PKP4: variants seen among roughly 807,000 people sequenced by gnomAD.
The protein encoded by PKP4 is plakophilin-4.
In PKP4, 90 loss-of-function variants were observed where a neutral mutation model predicts 145.1. That is an observed-to-expected ratio of 0.62 (90% CI 0.52 to 0.74). PKP4 has a LOEUF of 0.74. Among genes scored for constraint, PKP4 ranks in the 30% least tolerant of loss-of-function variants. PKP4 has a pLI of 0.00. For synonymous variants in PKP4, 563 were observed against 577.2 expected (o/e 0.98, Z 0.35); for missense variants, 1,340 against 1,482.7 (o/e 0.90, Z 1.58).
intron 1 of PKP4, among the ~76,000 whole-genome samples, chr2:158,523,744 G>C (rs1039031638): frequency 8.6e-6 from 1 of 116,694 alleles, no homozygotes; most frequent in African/African-American, 3.8e-5. Context: ...AAAAAATTTA[G>C]AAGAATGTAT....
At chr2:158,676,683 T>C in intron 19 of PKP4, 56 bp from the exon 20 acceptor site, 1 of 1,605,852 alleles carries the variant, frequency 6.2e-7, no homozygotes. Flanking sequence ...CCACAGATAC[T>C]GATGCTGATT....
intron 3 of PKP4, among the ~76,000 whole-genome samples, chr2:158,600,696 A>T (rs997626262): frequency 1.3e-5 from 2 of 152,224 alleles, no homozygotes; most frequent in Admixed American, 1.3e-4. Context: ...TATGAATAAC[A>T]TGTAATGACC....
intron 4 of PKP4, among the ~76,000 whole-genome samples, chr2:158,618,538 G>A (rs1338779271): frequency 6.6e-6 from 1 of 152,110 alleles, no homozygotes; most frequent in Non-Finnish European, 1.5e-5. Context: ...ATTTCGTGAA[G>A]TTTTATTAGG....
At chr2:158,539,608 T>C (rs2044346273) in intron 2 of PKP4, among the ~76,000 whole-genome samples, 1 of 152,248 alleles carries the variant, frequency 6.6e-6, no homozygotes, top group South Asian at 2.1e-4. Flanking sequence ...TTCCAATTGG[T>C]AACTGAATTA....
chr2:158,599,753 T>G (rs2050070320), intron 3 of PKP4, among the ~76,000 whole-genome samples: 1 of 152,162 alleles, frequency 6.6e-6, no homozygotes, highest in Non-Finnish European at 1.5e-5. Context: ...AGAATCTGAA[T>G]CTGGGTTTCA....
intron 2 of PKP4, among the ~76,000 whole-genome samples, chr2:158,539,840 T>G (rs1010181112): frequency 6.6e-6 from 1 of 152,224 alleles, no homozygotes; most frequent in African/African-American, 2.4e-5. Context: ...AACTCTAAAA[T>G]GGCTCTCAGG....
At chr2:158,578,419 T>C (rs2048045526) in intron 3 of PKP4, among the ~76,000 whole-genome samples, 2 of 152,170 alleles carry the variant, frequency 1.3e-5, no homozygotes, top group South Asian at 4.1e-4. Flanking sequence ...GGAAGGTTTT[T>C]ATAGAAAGAG....
intron 1 of PKP4, among the ~76,000 whole-genome samples, chr2:158,512,645 A>C (rs1259321235): frequency 6.6e-6 from 1 of 152,196 alleles, no homozygotes; most frequent in Non-Finnish European, 1.5e-5. Flanking sequence ...CAACCTTTTG[A>C]TTTGTATAGG....
At chr2:158,504,346 A>G (rs1035997254) in intron 1 of PKP4, among the ~76,000 whole-genome samples, 5 of 152,220 alleles carry the variant, frequency 3.3e-5, no homozygotes, top group African/African-American at 4.8e-5. Context: ...GAACAAATGA[A>G]CAATTGTCCT....
chr2:158,615,982 A>G (rs1486184341), intron 4 of PKP4, among the ~76,000 whole-genome samples: 4 of 152,256 alleles, frequency 2.6e-5, no homozygotes, highest in Non-Finnish European at 5.9e-5. Context: ...TTCAAGAAAC[A>G]TGGTCTTTCT....
chr2:158,464,128 G>A (rs1344231546), intron 1 of PKP4, among the ~76,000 whole-genome samples: 2 of 152,148 alleles, frequency 1.3e-5, no homozygotes, highest in Non-Finnish European at 2.9e-5. Flanking sequence ...TGGTTAGAAG[G>A]GACTAGTCTT....
At chr2:158,634,922 A>G (rs2053679201) in intron 9 of PKP4, among the ~76,000 whole-genome samples, 1 of 152,204 alleles carries the variant, frequency 6.6e-6, no homozygotes, top group African/African-American at 2.4e-5. Flanking sequence ...GAGTCATTTA[A>G]TACTTGATTG....
chr2:158,631,330 TA>T (rs2053337761), intron 7 of PKP4, among the ~76,000 whole-genome samples: 1 of 152,148 alleles, frequency 6.6e-6, no homozygotes, highest in African/African-American at 2.4e-5. Context: ...TGTTTAGACT[TA>T]ACACTTGGTC....
At chr2:158,488,860 A>G (rs1016187283) in intron 1 of PKP4, among the ~76,000 whole-genome samples, 1 of 152,204 alleles carries the variant, frequency 6.6e-6, no homozygotes, top group African/African-American at 2.4e-5. Flanking sequence ...AATGAAGTCT[A>G]TGGGTGTTTA....
intron 21 of PKP4, among the ~76,000 whole-genome samples, chr2:158,679,762 G>T (rs1238183990): frequency 6.6e-6 from 1 of 152,188 alleles, no homozygotes; most frequent in African/African-American, 2.4e-5. Context: ...CCCTGGCTTG[G>T]GGAAGCCTTT....
chr2:158,596,900 A>G (rs1460583498), intron 3 of PKP4, among the ~76,000 whole-genome samples: 1 of 152,206 alleles, frequency 6.6e-6, no homozygotes, highest in African/African-American at 2.4e-5. Flanking sequence ...TTCATATTCC[A>G]TACCTGTCTC....
intron 1 of PKP4, among the ~76,000 whole-genome samples, chr2:158,472,119 A>C (rs186537139): frequency 1.7e-3 from 256 of 152,318 alleles, no homozygotes; most frequent in South Asian, 5.0e-3. Context: ...ATCGTTAATG[A>C]TAATATATTT....
chr2:158,603,310 G>A (rs548120076), intron 4 of PKP4, among the ~76,000 whole-genome samples: 410 of 152,168 alleles, frequency 2.7e-3, no homozygotes, highest in Admixed American at 4.6e-3. Context: ...TAATGAAAAA[G>A]CATTGAACAG....
intron 11 of PKP4, among the ~76,000 whole-genome samples, chr2:158,643,583 A>G (rs1374036660): frequency 1.3e-5 from 2 of 152,034 alleles, no homozygotes; most frequent in South Asian, 2.1e-4. Context: ...GTGGTGGCAC[A>G]TGCCTGTGGT....
Sources: gnomAD v4.1 joint callset for allele counts (sites outside exome capture counted in the v4.1 genomes callset) on GRCh38, gnomAD v4.1.1 for gene constraint, MANE v1.5 for transcripts, NCBI Gene and HGNC (gene_info 2026-07-23, HGNC 2026-07-21) for gene names.